Variants in NYAP2 observed in about 807,000 individuals in gnomAD.
NYAP2 encodes neuronal tyrosine-phosphorylated phosphoinositide-3-kinase adapter 2.
NYAP2 carries 23 observed loss-of-function variants against 50.4 expected under a neutral mutation model. The ratio of observed to expected loss-of-function variants is 0.46; its 90% CI spans 0.33 to 0.65. The LOEUF is 0.65. Ranked by LOEUF, NYAP2 falls within the 30% of genes least tolerant of loss-of-function variation. The pLI is 0.02. For synonymous variants in NYAP2, 394 were observed against 365.2 expected (o/e 1.08, Z -0.90); for missense variants, 885 against 861.0 (o/e 1.03, Z -0.35).
chr2:225,511,857 T>C (rs1305942509), intron 3 of NYAP2, among the ~76,000 whole-genome samples: 1 of 152,206 alleles, frequency 6.6e-6, no homozygotes, highest in Non-Finnish European at 1.5e-5. Flanking sequence ...CAGCCAAAAT[T>C]AGTTTTACTA....
rs76689557 is a variant in NYAP2 at position 225,468,016 on chromosome 2, A to T, written c.222-45355A>T. ...TGGAGAAACAAGAAAAACCCTCTTG[A>T]TAGAGTTTGGGCATATATTGAGCAC... On this transcript the variant is annotated intron_variant, in intron 3 of 6. Transcript: ENST00000636099. 8.1e-3 allele frequency among the ~76,000 whole-genome samples: 1,238 copies of T among 152,320 alleles called. 18 individuals carry two copies. The highest frequency in any genetic ancestry group is 0.028 in the African/African-American group (1,174 of 41,572).
At chr2:225,697,912 T>C in the NYAP2 span, among the ~76,000 whole-genome samples, 503 of 151,980 alleles carry the variant, frequency 3.3e-3, 1 homozygote, top group Non-Finnish European at 5.7e-3. Context: ...GTAGCTCACA[T>C]CTGTAGTCCC....
intron 5 of NYAP2, among the ~76,000 whole-genome samples, chr2:225,586,854 G>A (rs552472586): frequency 2.8e-4 from 43 of 152,178 alleles, no homozygotes; most frequent in African/African-American, 9.6e-4. Flanking sequence ...CCTCATATCA[G>A]TCCATTTTCA....
In NYAP2 at chr2:225,507,778, A is replaced by G. The variant is rs549043624; in HGVS notation, c.222-5593A>G. The stretch of plus-strand genomic sequence containing the variant: ...AATTATTGACTGCATTTTATATATC[A>G]GACTGCTAAATGCTTCATATGCAGT... On this transcript the variant is annotated intron_variant, in intron 3 of 6. Coordinates refer to ENST00000636099, the Ensembl canonical transcript of NYAP2. 2.8e-3 allele frequency among the ~76,000 whole-genome samples: 419 copies of G among 152,356 alleles called. 2 individuals carry two copies. Among genetic ancestry groups the G allele is most frequent in the African/African-American group, 9.2e-3 (383 of 41,578 alleles).
At chr2:225,519,883 C>T (rs1691015847) in intron 4 of NYAP2, among the ~76,000 whole-genome samples, 2 of 152,280 alleles carry the variant, frequency 1.3e-5, no homozygotes, top group South Asian at 4.1e-4. Flanking sequence ...TTTACACTCC[C>T]ACCAACAGTG....
intron 5 of NYAP2, among the ~76,000 whole-genome samples, chr2:225,613,547 T>C (rs893465562): frequency 3.3e-5 from 5 of 152,094 alleles, no homozygotes; most frequent in Admixed American, 3.3e-4. Context: ...CACCTAAAAT[T>C]AACCATCATA....
At chr2:225,415,208 A>G (rs535825110) in intron 3 of NYAP2, among the ~76,000 whole-genome samples, 54 of 152,324 alleles carry the variant, frequency 3.5e-4, no homozygotes, top group African/African-American at 1.1e-3. Flanking sequence ...AAAAAAATAC[A>G]TGCAATTGCA....
At chr2:225,569,965 G>T (rs1334979484) in intron 4 of NYAP2, among the ~76,000 whole-genome samples, 1 of 152,188 alleles carries the variant, frequency 6.6e-6, no homozygotes, top group Non-Finnish European at 1.5e-5. Context: ...AGGATGGAAT[G>T]GCAGGTGCAA....
chr2:225,658,578 G>C (rs2106276588), downstream of NYAP2, among the ~76,000 whole-genome samples: 1 of 152,264 alleles, frequency 6.6e-6, no homozygotes, highest in South Asian at 2.1e-4. Context: ...CTATAGCCTA[G>C]TTGCATTAAA....
At chr2:225,532,912 G>A (rs1691282639) in intron 4 of NYAP2, among the ~76,000 whole-genome samples, 1 of 152,152 alleles carries the variant, frequency 6.6e-6, no homozygotes, top group Non-Finnish European at 1.5e-5. Flanking sequence ...TTTACTGAGT[G>A]TCTACTATGC....
intron 3 of NYAP2, among the ~76,000 whole-genome samples, chr2:225,434,841 A>G (rs1689349709): frequency 6.6e-6 from 1 of 152,252 alleles, no homozygotes; most frequent in African/African-American, 2.4e-5. Flanking sequence ...TGATACAGGT[A>G]TGTTTAAAAG....
At chr2:225,502,048 A>G (rs762738787) in intron 3 of NYAP2, among the ~76,000 whole-genome samples, 2 of 152,244 alleles carry the variant, frequency 1.3e-5, no homozygotes, top group Admixed American at 6.5e-5. Context: ...ACCTTAAAAG[A>G]CCATGAGTAT....
At position 225,518,565 on chromosome 2, in the gene NYAP2, T is replaced by A. The variant is rs1379434214; in HGVS notation, c.523+4893T>A. ...ATATATATATATATATATATATATA[T>A]ATATTAGCGTGTGCGCTTATATATA... On this transcript the variant is annotated intron_variant, in intron 4 of 6. Transcript: ENST00000636099. 1.4e-3 allele frequency among the ~76,000 whole-genome samples: 33 copies of A among 23,038 alleles called. 7 individuals carry two copies. The highest frequency in any genetic ancestry group is 0.014 in the East Asian group (10 of 734). The allele number at this position is 23,038 out of a possible 152,430, so 15.1% of individuals were successfully genotyped here.
At chr2:225,551,979 A>T (rs928368502) in intron 4 of NYAP2, among the ~76,000 whole-genome samples, 1 of 152,094 alleles carries the variant, frequency 6.6e-6, no homozygotes, top group African/African-American at 2.4e-5. Flanking sequence ...CACTCAGCTA[A>T]TATTTGTATT....
At chr2:225,453,133 C>A (rs1689680955) in intron 3 of NYAP2, among the ~76,000 whole-genome samples, 1 of 152,016 alleles carries the variant, frequency 6.6e-6, no homozygotes, top group Admixed American at 6.6e-5. Flanking sequence ...AAAATCTTAC[C>A]AATGATTTGA....
At chr2:225,542,887 T>C (rs896425618) in intron 4 of NYAP2, among the ~76,000 whole-genome samples, 2 of 152,136 alleles carry the variant, frequency 1.3e-5, no homozygotes, top group Non-Finnish European at 2.9e-5. Flanking sequence ...AATAAAGCCA[T>C]CAGGTCACAG....
Position 225,524,508 on chromosome 2 carries a change from G to A in NYAP2, c.523+10836G>A, listed in dbSNP as rs2396246. 5.2e-3 allele frequency among the ~76,000 whole-genome samples: 785 copies of A among 152,206 alleles called. 12 individuals are homozygous for A. Among genetic ancestry groups the A allele is most frequent in the African/African-American group, 0.018 (753 of 41,520 alleles). On this transcript the variant is annotated intron_variant, in intron 4 of 6. Transcript: ENST00000636099. ...CCTCACAGACACACCCAGGAACAATGTTTTGCATCCTTCAGCCCAATCGAA... is the reference window on the plus strand; with the variant it reads ...CCTCACAGACACACCCAGGAACAATATTTTGCATCCTTCAGCCCAATCGAA...
At chr2:225,429,425 A>G (rs1262517805) in intron 3 of NYAP2, among the ~76,000 whole-genome samples, 1 of 152,164 alleles carries the variant, frequency 6.6e-6, no homozygotes, top group East Asian at 1.9e-4. Context: ...GTGTCTTCAG[A>G]TTTTCACAAA....
chr2:225,509,687 T>C (rs1053585461), intron 3 of NYAP2, among the ~76,000 whole-genome samples: 4 of 151,944 alleles, frequency 2.6e-5, no homozygotes, highest in African/African-American at 7.3e-5. Context: ...AGTGTGCCTC[T>C]TTGGGGACCT....
Sources: allele counts gnomAD v4.1 joint callset (sites outside exome capture counted in the v4.1 genomes callset), GRCh38; gene constraint gnomAD v4.1.1; transcripts MANE v1.5; gene names NCBI Gene and HGNC (gene_info 2026-07-23, HGNC 2026-07-21).